Variants in DOCK4 observed in about 807,000 individuals in gnomAD.
The protein encoded by DOCK4 is dedicator of cytokinesis protein 4.
In DOCK4, 97 loss-of-function variants were observed where a neutral mutation model predicts 268.1. That is an observed-to-expected ratio of 0.36 (90% CI 0.31 to 0.43). The LOEUF (loss-of-function observed/expected upper bound fraction) is 0.43, where lower values mean the gene tolerates loss of function less well. Among genes scored for constraint, DOCK4 ranks in the 20% least tolerant of loss-of-function variants. The pLI is 1.00. For synonymous variants in DOCK4, 954 were observed against 887.2 expected, an observed-to-expected ratio of 1.08 and a Z score of -1.34; for missense variants, 2,145 against 2,455.7, an observed-to-expected ratio of 0.87 and a Z score of 2.67.
At position 112,053,591 on chromosome 7, in the gene DOCK4, A is replaced by C. The variant is rs142431555; in HGVS notation, c.38-49460T>G. ...TGCAAAGCATAGTCATAGTTTTAAA[A>C]GGGCTCTTTCCAAACACTTGACAAT... On this transcript the variant is annotated intron_variant, in intron 1 of 52. Coordinates refer to ENST00000428084, the MANE Select transcript of DOCK4 (RefSeq NM_001363540.2). 5.8e-3 allele frequency among the ~76,000 whole-genome samples: 876 copies of C among 152,318 alleles called. 9 individuals carry two copies. The highest frequency in any genetic ancestry group is 0.01 in the Non-Finnish European group (694 of 68,028).
At chr7:112,014,999 G>A (rs1801691229) in intron 1 of DOCK4, among the ~76,000 whole-genome samples, 1 of 152,146 alleles carries the variant, frequency 6.6e-6, no homozygotes, top group South Asian at 2.1e-4. Flanking sequence ...ACAGAGGCTG[G>A]GAAAAATAAG....
At chr7:112,151,207 G>A (rs114384526) in intron 1 of DOCK4, among the ~76,000 whole-genome samples, 1 of 152,086 alleles carries the variant, frequency 6.6e-6, no homozygotes, top group Non-Finnish European at 1.5e-5. Context: ...TAACGCCTGG[G>A]GCTTTGGCAT....
Position 111,834,613 on chromosome 7 carries a change from C to T in DOCK4, c.2810G>A (p.Ser937Asn). Reference sequence around the variant, plus strand: ...CCTTAGTTCTTCCTTTGTATTAAAACTATCAAGAAGCTGTTGATAATGTCT... The same window carrying T: ...CCTTAGTTCTTCCTTTGTATTAAAATTATCAAGAAGCTGTTGATAATGTCT... Reference protein sequence around the residue: ...TDRHYQQLLDSFNTKEELRDF... With the variant: ...TDRHYQQLLDNFNTKEELRDF... Residue 937 changes from serine (S) to asparagine (N), a missense_variant, in exon 26 of 53, where the codon AGT (serine) becomes AAT (asparagine). By Grantham distance (46) the Ser-to-Asn change is conservative. Around this residue, in one of 2 missense-constraint regions of DOCK4, gnomAD observed 1,598 missense variants for 1,986.7 expected, o/e 0.80. Transcript: ENST00000428084. The T allele has an allele frequency of 6.4e-7, 1 of 1,553,238 alleles. No individual in the cohort carries two copies. The highest frequency in any genetic ancestry group is 8.7e-7 in the Non-Finnish European group (1 of 1,148,116).
intron 23 of DOCK4, among the ~76,000 whole-genome samples, chr7:111,860,728 C>T (rs1172385144): frequency 6.6e-6 from 1 of 152,144 alleles, no homozygotes; most frequent in African/African-American, 2.4e-5. Context: ...TGAGTCCTTC[C>T]ATCCCTTACC....
chr7:112,066,882 T>C (rs1807115124), intron 1 of DOCK4, among the ~76,000 whole-genome samples: 1 of 150,848 alleles, frequency 6.6e-6, no homozygotes, highest in Admixed American at 6.6e-5. Flanking sequence ...CAGTGGCTCA[T>C]GCCTGTAATC....
In DOCK4 at chr7:112,203,981, T is replaced by G. The variant is rs542463676; in HGVS notation, c.37+2121A>C. ...CATGTGATATTGAGAACAACAGCAG[T>G]AATTTGGGGCAAAAGACCCTCTCTC... On this transcript the variant is annotated intron_variant, in intron 1 of 52. Coordinates refer to ENST00000428084, the MANE Select transcript of DOCK4 (RefSeq NM_001363540.2). 2.0e-4 allele frequency among the ~76,000 whole-genome samples: 31 copies of G among 152,212 alleles called. No individual in the cohort carries two copies. In the South Asian group the frequency reaches 6.2e-3, roughly 31 times the overall value.
intron 1 of DOCK4, among the ~76,000 whole-genome samples, chr7:112,049,141 T>C (rs1028409739): frequency 2.6e-5 from 4 of 152,210 alleles, no homozygotes; most frequent in Non-Finnish European, 5.9e-5. Flanking sequence ...TTTTTGAATT[T>C]GCTATTATTT....
At chr7:111,729,285 C>T (rs1410495087) in intron 52 of DOCK4, among the ~76,000 whole-genome samples, 1 of 152,210 alleles carries the variant, frequency 6.6e-6, no homozygotes, top group Admixed American at 6.5e-5. Flanking sequence ...AGGAGCTGGG[C>T]ATGGTGGCTC....
chr7:112,088,127 G>T lies in DOCK4; in HGVS notation c.38-83996C>A, dbSNP rs1033193959. Among the ~76,000 whole-genome samples the T allele has an allele frequency of 5.3e-5, 8 of 152,158 alleles. No homozygotes were observed. In the East Asian group the frequency reaches 1.6e-3, roughly 30 times the overall value. On this transcript the variant is annotated intron_variant, in intron 1 of 52. Transcript: ENST00000428084. ...CGCATGCAGACAGGGAGCACAACTA[G>T]GTGAGTTTTCAGGCAAAAGCATAGA...
chr7:111,784,676 A>T (rs753938842), intron 32 of DOCK4, among the ~76,000 whole-genome samples: 6 of 152,184 alleles, frequency 3.9e-5, no homozygotes, highest in Non-Finnish European at 8.8e-5. Flanking sequence ...GTACTATGTA[A>T]ACACAAAATA....
intron 8 of DOCK4, among the ~76,000 whole-genome samples, chr7:111,975,019 C>T (rs946809187): frequency 6.6e-6 from 1 of 152,158 alleles, no homozygotes; most frequent in African/African-American, 2.4e-5. Context: ...TAATCCCCAG[C>T]ACTTTGGGAG....
chr7:111,976,269 TTATA>T (rs60146972), intron 8 of DOCK4, among the ~76,000 whole-genome samples: 1,071 of 32,802 alleles, frequency 0.033, 27 homozygotes, highest in Middle Eastern at 0.083. Context: ...TGTGTGTCTA[TTATA>T]TATATATATA....
chr7:112,118,717 A>C (rs1812419162), intron 1 of DOCK4, among the ~76,000 whole-genome samples: 1 of 152,104 alleles, frequency 6.6e-6, no homozygotes, highest in African/African-American at 2.4e-5. Flanking sequence ...GCCTGTCTTC[A>C]ATCTATGAAT....
chr7:112,190,376 G>A (rs1381303144), intron 1 of DOCK4, among the ~76,000 whole-genome samples: 3 of 152,170 alleles, frequency 2.0e-5, no homozygotes, highest in Non-Finnish European at 4.4e-5. Flanking sequence ...AGGTAGAGCA[G>A]TACTCTACCA....
intron 1 of DOCK4, among the ~76,000 whole-genome samples, chr7:112,043,464 C>T (rs1804576466): frequency 6.7e-6 from 1 of 150,244 alleles, no homozygotes; most frequent in South Asian, 2.3e-4. Context: ...ATAACCAAGA[C>T]ATTGCCTAAA....
At chr7:111,846,668 G>T (rs1804134394) in intron 24 of DOCK4, among the ~76,000 whole-genome samples, 1 of 151,898 alleles carries the variant, frequency 6.6e-6, no homozygotes, top group South Asian at 2.1e-4. Context: ...ACGACTTCAT[G>T]TTGCAAGCAG....
chr7:111,787,933 G>C (rs1425062437), intron 32 of DOCK4, among the ~76,000 whole-genome samples: 1 of 152,190 alleles, frequency 6.6e-6, no homozygotes, highest in Non-Finnish European at 1.5e-5. Context: ...GAGAAAACAA[G>C]TGCCAGAAGT....
intron 6 of DOCK4, among the ~76,000 whole-genome samples, chr7:111,984,991 T>G (rs1798940816): frequency 6.6e-6 from 1 of 152,182 alleles, no homozygotes; most frequent in Non-Finnish European, 1.5e-5. Flanking sequence ...AGTTTAACCC[T>G]TTATGTCAGA....
chr7:112,063,514 A>T (rs1806633865), intron 1 of DOCK4, among the ~76,000 whole-genome samples: 1 of 152,238 alleles, frequency 6.6e-6, no homozygotes, highest in South Asian at 2.1e-4. Context: ...TTTATAATAG[A>T]GTGTGGAATA....
Sources: gnomAD v4.1 joint callset for allele counts (sites outside exome capture counted in the v4.1 genomes callset) on GRCh38, gnomAD v4.1.1 for gene constraint, gnomAD v4.1.1 regional missense constraint, MANE v1.5 for transcripts, NCBI Gene and HGNC (gene_info 2026-07-23, HGNC 2026-07-21) for gene names.